Variants in ZNF845 observed in about 807,000 individuals in gnomAD.
ZNF845 encodes zinc finger protein 845.
Under a neutral mutation model 76.1 loss-of-function variants are expected in ZNF845, and 59 were observed. That is an observed-to-expected ratio of 0.78 (90% CI 0.63 to 0.96). ZNF845 has a LOEUF of 0.96. Ranked by LOEUF, ZNF845 falls within the 40% of genes least tolerant of loss-of-function variation. The probability of loss-of-function intolerance (pLI) is 0.00; values close to 1 mark genes in which losing one functional copy is unlikely to be tolerated. For synonymous variants in ZNF845, 361 were observed against 386.9 expected (o/e 0.93, Z 0.78); for missense variants, 1,045 against 1,172.8 (o/e 0.89, Z 1.59).
At position 53,353,395 on chromosome 19, in the gene ZNF845, G is replaced by A; in HGVS notation, c.2720G>A (p.Arg907Lys). 1 of 1,610,500 alleles carries A rather than the reference G, an allele frequency of 6.2e-7. No individual in the cohort carries two copies. Among genetic ancestry groups the A allele is most frequent in the South Asian group, 1.1e-5 (1 of 90,944 alleles). ...CAAGCACACCTTGCATGTCATCATA[G>A]AATTCATACTGGAGAGAAACCTTAC... ...NQQAHLACHHRIHTGEKPYKC... is the reference protein window; with the variant it reads ...NQQAHLACHHKIHTGEKPYKC... The change falls in exon 4 of 4, where the codon AGA (arginine) becomes AAA (lysine). Residue 907 changes from arginine (R) to lysine (K), a missense_variant. By Grantham distance (26) the Arg-to-Lys change is conservative. Coordinates refer to ENST00000458035, the MANE Select transcript of ZNF845 (RefSeq NM_138374.3).
In ZNF845 at chr19:53,353,594, T is replaced by G; in HGVS notation, c.*6T>G. 1 of 1,568,652 alleles carries G rather than the reference T, an allele frequency of 6.4e-7. No individual in the cohort carries two copies. Among genetic ancestry groups the G allele is most frequent in the Non-Finnish European group, 8.6e-7 (1 of 1,156,826 alleles). On this transcript the variant is annotated 3_prime_UTR_variant, in exon 4 of 4. Coordinates refer to ENST00000458035, the MANE Select transcript of ZNF845 (RefSeq NM_138374.3). ...ATACTGGAAAGAAACATTAGAAATA[T>G]GAAGAATGTGACAAAGTTTACAGTT...
intron 2 of ZNF845, 29 bp downstream of exon 2, chr19:53,341,351 T>C: frequency 6.2e-7 from 1 of 1,613,710 alleles, no homozygotes; most frequent in Non-Finnish European, 8.5e-7. Flanking sequence ...TGGATTGTTC[T>C]GTCTCCTTCC....
At position 53,356,359 on chromosome 19, in the gene ZNF845, G is replaced by A. The variant is rs1257804682; in HGVS notation, c.*2771G>A. 1 of 152,046 alleles carries A rather than the reference G, an allele frequency of 6.6e-6. No individual in the cohort carries two copies. Among genetic ancestry groups the A allele is most frequent in the Non-Finnish European group, 1.5e-5 (1 of 68,044 alleles). 9.4% of individuals were successfully genotyped at this position (152,046 alleles called of 1,614,324 possible). Reference sequence around the variant, plus strand: ...TCAAGACCAGCCTGGGCGACATAGGGGACCTCTTCTCTGCTAAAAGTAAAA... The same window carrying A: ...TCAAGACCAGCCTGGGCGACATAGGAGACCTCTTCTCTGCTAAAAGTAAAA... On this transcript the variant is annotated 3_prime_UTR_variant, in exon 4 of 4. Transcript: ENST00000458035.
rs1463550929 is a variant in ZNF845 at position 53,352,011 on chromosome 19, G to T, written c.1336G>T (p.Glu446Ter). Residue 446 changes from glutamate (E) to a stop codon, truncating the protein, a stop_gained, in exon 4 of 4, where the codon GAA (glutamate) becomes TAA (stop). Coordinates refer to ENST00000458035, the MANE Select transcript of ZNF845 (RefSeq NM_138374.3). LOFTEE classifies it high-confidence loss of function. ...EKPYKCEECD[E>*]AFSFKSNLER... Reference sequence around the variant, plus strand: ...ACCTTACAAATGTGAAGAATGTGATGAAGCTTTCAGTTTCAAATCGAACCT... The same window carrying T: ...ACCTTACAAATGTGAAGAATGTGATTAAGCTTTCAGTTTCAAATCGAACCT... 6.2e-7 allele frequency: 1 copy of T among 1,607,540 alleles called. No individual in the cohort carries two copies.
rs774544737 is a variant in ZNF845, at chr19:53,350,872, C to G, written c.197C>G (p.Thr66Arg). The change falls in exon 4 of 4, where the codon ACA becomes AGA. Residue 66 changes from threonine (T) to arginine (R), a missense_variant. Thr to Arg is a moderately conservative substitution (Grantham distance 71). Transcript: ENST00000458035. ...TTCTCATCAACAGCACAAGGCAATACAGAAGTGATCCACACAGGGACATTG... is the reference window on the plus strand; with the variant it reads ...TTCTCATCAACAGCACAAGGCAATAGAGAAGTGATCCACACAGGGACATTG... ...KEFSSTAQGN[T>R]EVIHTGTLQR... The G allele has an allele frequency of 6.2e-7, 1 of 1,614,088 alleles. No individual in the cohort carries two copies. Among genetic ancestry groups the G allele is most frequent in the Non-Finnish European group, 8.5e-7 (1 of 1,180,018 alleles).
intron 1 of ZNF845, among the ~76,000 whole-genome samples, chr19:53,336,284 A>G (rs1037350392): frequency 9.2e-5 from 14 of 151,542 alleles, no homozygotes; most frequent in African/African-American, 7.3e-5. Context: ...TTGGGAGCCA[A>G]TCACCTAAGG....
chr19:53,343,651 T>C (rs12608553), intron 2 of ZNF845, among the ~76,000 whole-genome samples: 24,728 of 152,140 alleles, frequency 0.16, 3,556 homozygotes, highest in African/African-American at 0.38. Flanking sequence ...TACATACATA[T>C]ATACACACAC....
At chr19:53,346,448 A>C (rs2085297474) in intron 3 of ZNF845, 1 of 351,270 alleles carries the variant, frequency 2.8e-6, no homozygotes, top group African/African-American at 2.2e-5. Context: ...TGGGAGGCCG[A>C]GGCAGGCAAA....
chr19:53,334,542 CAA>C lies in ZNF845; in HGVS notation c.-74+751_-74+752del, dbSNP rs756073215. The stretch of plus-strand genomic sequence containing the variant: ...GAGCAGATCCCAGGGAAAAAGAAAA[CAA>C]GAGCTAGAGAGAGAAGGGGAGAATG... On this transcript the variant is annotated intron_variant, in intron 1 of 3. Coordinates refer to ENST00000458035, the MANE Select transcript of ZNF845 (RefSeq NM_138374.3). 1.9e-4 allele frequency among the ~76,000 whole-genome samples: 29 copies of C among 151,688 alleles called. 1 individual carries two copies. The highest frequency in any genetic ancestry group is 1.4e-3 in the Admixed American group (22 of 15,226).
chr19:53,340,231 T>C (rs529743509), intron 1 of ZNF845, among the ~76,000 whole-genome samples: 1 of 152,318 alleles, frequency 6.6e-6, no homozygotes, highest in Admixed American at 6.5e-5. Flanking sequence ...TTTGTATTTT[T>C]GGTAGAGACA....
chr19:53,334,927 G>T (rs1247310708), intron 1 of ZNF845, among the ~76,000 whole-genome samples: 4 of 152,052 alleles, frequency 2.6e-5, no homozygotes, highest in African/African-American at 9.7e-5. Flanking sequence ...AAAAGGGGTG[G>T]GGGACTTTGG....
At chr19:53,336,633 C>CTTTTTTTTTTTTTTTTTTTTTTTTTT (rs398035035) in intron 1 of ZNF845, among the ~76,000 whole-genome samples, 5 of 92,446 alleles carry the variant, frequency 5.4e-5, no homozygotes, top group Non-Finnish European at 8.3e-5. Context: ...TTCTTTCTTT[C>CTTTTTTTTTTTTTTTTTTTTTTTTTT]TTTTTTTTTT....
rs985436645 is a variant in ZNF845 at position 53,355,935 on chromosome 19, T to C, written c.*2347T>C. 1 of 152,338 alleles carries C rather than the reference T, an allele frequency of 6.6e-6. No homozygotes were observed. The highest frequency in any genetic ancestry group is 1.5e-5 in the Non-Finnish European group (1 of 68,036). The allele number at this position is 152,338 out of a possible 1,614,324, so 9.4% of individuals were successfully genotyped here. A position where few individuals can be genotyped will look rare whatever the true frequency, so the allele number is the denominator to read the frequency against. Reference sequence around the variant, plus strand: ...TCATTCTGTGCAAGTGTGTATCCCATTGATTTGAGTATGTTGAACCATCCT... The same window carrying C: ...TCATTCTGTGCAAGTGTGTATCCCACTGATTTGAGTATGTTGAACCATCCT... On this transcript the variant is annotated 3_prime_UTR_variant, in exon 4 of 4. Coordinates refer to ENST00000458035, the MANE Select transcript of ZNF845 (RefSeq NM_138374.3).
In ZNF845 at chr19:53,353,667, T is replaced by G; in HGVS notation, c.*79T>G. The G allele has an allele frequency of 6.6e-7, 1 of 1,517,912 alleles. No homozygotes were observed. Among genetic ancestry groups the G allele is most frequent in the Non-Finnish European group, 8.8e-7 (1 of 1,136,074 alleles). The allele number at this position is 1,517,912 out of a possible 1,614,324, so 94.0% of individuals were successfully genotyped here. On this transcript the variant is annotated 3_prime_UTR_variant, in exon 4 of 4. Transcript: ENST00000458035. ...GGAGAATTCATACTGGAGAGAAAGC[T>G]TACAAATGTAAGAGTTTGTGACAAG...
At position 53,354,048 on chromosome 19, in the gene ZNF845, A is replaced by T; in HGVS notation, c.*460A>T. ...AAGGTCTTCAGTCTAGCTTCATCTT[A>T]TGCAAAACAGGAGACTTCATACAGG... On this transcript the variant is annotated 3_prime_UTR_variant, in exon 4 of 4. Transcript: ENST00000458035. The T allele has an allele frequency of 2.1e-6, 1 of 478,344 alleles. No individual in the cohort carries two copies. Among genetic ancestry groups the T allele is most frequent in the Non-Finnish European group, 4.0e-6 (1 of 250,026 alleles). The allele number at this position is 478,344 out of a possible 1,614,324, so 29.6% of individuals were successfully genotyped here. A position where few individuals can be genotyped will look rare whatever the true frequency, so the allele number is the denominator to read the frequency against.
intron 1 of ZNF845, among the ~76,000 whole-genome samples, chr19:53,334,088 C>CGGAT (rs1262908528): frequency 6.6e-6 from 1 of 152,232 alleles, no homozygotes; most frequent in Admixed American, 6.5e-5. Context: ...TTTTAAAGTC[C>CGGAT]TTACCGCGAG....
chr19:53,349,807 G>A (rs1427894428), intron 3 of ZNF845, among the ~76,000 whole-genome samples: 2 of 152,050 alleles, frequency 1.3e-5, no homozygotes, highest in Non-Finnish European at 2.9e-5. Context: ...AGGCTCAGGC[G>A]CCTAAATTGC....
Position 53,353,602 on chromosome 19 carries a change from G to T in ZNF845, c.*14G>T, listed in dbSNP as rs777608109. 2.6e-6 allele frequency: 4 copies of T among 1,562,798 alleles called. No homozygotes were observed. The Admixed American group carries it at 7.6e-5, about 30-fold the overall frequency. ...AAGAAACATTAGAAATATGAAGAAT[G>T]TGACAAAGTTTACAGTTGTAAATCA... On this transcript the variant is annotated 3_prime_UTR_variant, in exon 4 of 4. Transcript: ENST00000458035.
chr19:53,346,667 C>T (rs4803093), intron 3 of ZNF845, among the ~76,000 whole-genome samples: 127,200 of 152,116 alleles, frequency 0.84, 53,367 homozygotes, highest in Non-Finnish European at 0.88. Flanking sequence ...AGAGACAGAG[C>T]GACACTCTGT....
Sources: gnomAD v4.1 joint callset for allele counts (sites outside exome capture counted in the v4.1 genomes callset) on GRCh38, gnomAD v4.1.1 for gene constraint, MANE v1.5 for transcripts, NCBI Gene and HGNC (gene_info 2026-07-23, HGNC 2026-07-21) for gene names.